Variants in XPO6 observed in about 807,000 individuals in gnomAD.
XPO6 encodes the protein exportin 6, also known as exportin-6.
A neutral mutation model predicts 130.0 loss-of-function variants in XPO6; 3 were observed. That is an observed-to-expected ratio of 0.02 (90% confidence interval 0.01 to 0.06). XPO6 has a LOEUF of 0.06. Among genes scored for constraint, XPO6 ranks in the 10% least tolerant of loss-of-function variants. The pLI is 1.00. For missense variants in XPO6, 970 were observed against 1,393.0 expected (o/e 0.70, Z 4.83); for synonymous variants, 524 against 548.9 (o/e 0.95, Z 0.63).
At chr16:28,115,323 C>T (rs1298181930) in intron 15 of XPO6, among the ~76,000 whole-genome samples, 4 of 152,244 alleles carry the variant, frequency 2.6e-5, no homozygotes, top group African/African-American at 9.6e-5. Flanking sequence ...AAAATTACCC[C>T]TTGACCCATG....
intron 8 of XPO6, among the ~76,000 whole-genome samples, chr16:28,150,025 C>T (rs1411945390): frequency 6.6e-6 from 1 of 152,170 alleles, no homozygotes; most frequent in East Asian, 1.9e-4. Flanking sequence ...AGGCCTTGGT[C>T]CTAGAGTGCA....
In XPO6 at chr16:28,116,449, G is replaced by A. The variant is rs577597979; in HGVS notation, c.2004+869C>T. Among the ~76,000 whole-genome samples the A allele has an allele frequency of 3.4e-5, 5 of 146,884 alleles. No individual in the cohort carries two copies. In the East Asian group the frequency reaches 6.1e-4, roughly 18 times the overall value. On this transcript the variant is annotated intron_variant, in intron 15 of 23. Transcript: ENST00000304658. ...TGCACTCCAGCCCGGGCGACAGAGCGAGACTCCATCTCAACAACAACAAAA... is the reference window on the plus strand; with the variant it reads ...TGCACTCCAGCCCGGGCGACAGAGCAAGACTCCATCTCAACAACAACAAAA...
chr16:28,153,530 T>G, intron 7 of XPO6: 2 of 985,386 alleles, frequency 2.0e-6, no homozygotes, highest in Non-Finnish European at 2.4e-6. Flanking sequence ...CCCAACTCAT[T>G]TGTATTCACA....
chr16:28,150,438 G>A (rs2043065793), intron 8 of XPO6, among the ~76,000 whole-genome samples: 1 of 152,130 alleles, frequency 6.6e-6, no homozygotes, highest in African/African-American at 2.4e-5. Flanking sequence ...TAAGCCAGGG[G>A]AAAGGCCTGA....
rs2087243931 is a variant in XPO6 at position 28,121,672 on chromosome 16, A to G, written c.1857T>C (p.Asp619=). 1 of 1,605,472 alleles carries G rather than the reference A, an allele frequency of 6.2e-7. No individual in the cohort carries two copies. The highest frequency in any genetic ancestry group is 8.5e-7 in the Non-Finnish European group (1 of 1,172,120). Residue 619 remains aspartate (D), a splice_region_variant and synonymous_variant, in exon 14 of 24, where the codon GAT becomes GAC. Coordinates refer to ENST00000304658, the MANE Select transcript of XPO6 (RefSeq NM_015171.4). ...VPSVLKPDLI[D]VHAQSLAALQ... ...CAAACATCAAACTCTAGACTTACAC[A>G]TCAATGAGGTCAGGTTTCAATACTG...
At chr16:28,207,910 C>G (rs1187153305) in intron 1 of XPO6, among the ~76,000 whole-genome samples, 2 of 152,102 alleles carry the variant, frequency 1.3e-5, no homozygotes, top group Non-Finnish European at 2.9e-5. Context: ...TTTGGGAGGC[C>G]AAGGCGAGTG....
intron 20 of XPO6, 89 bp from the exon 21 acceptor site, chr16:28,104,796 C>T (rs971455489): frequency 4.6e-5 from 67 of 1,460,630 alleles, no homozygotes; most frequent in South Asian, 8.7e-5. Flanking sequence ...GGAGACGCCT[C>T]GTGACAGCAA....
chr16:28,117,504 A>G (rs2087098400), intron 14 of XPO6, 42 bp from the exon 15 acceptor site: 3 of 1,600,394 alleles, frequency 1.9e-6, no homozygotes, highest in Admixed American at 1.7e-5. Context: ...GGTTAAGGTG[A>G]AAATATATTA....
Position 28,140,571 on chromosome 16 carries a change from G to A in XPO6, c.1335-5247C>T, listed in dbSNP as rs146774591. Among the ~76,000 whole-genome samples the A allele has an allele frequency of 9.9e-3, 1,495 of 151,758 alleles. 30 individuals carry two copies. The highest frequency in any genetic ancestry group is 0.034 in the African/African-American group (1,418 of 41,340). The stretch of plus-strand genomic sequence containing the variant: ...TTTGTGCCTGTAATCCCAGCTACTC[G>A]GGAGGCTGGGGCAGGAGAATTGCTT... On this transcript the variant is annotated intron_variant, in intron 9 of 23. Coordinates refer to ENST00000304658, the MANE Select transcript of XPO6 (RefSeq NM_015171.4).
chr16:28,119,203 G>A (rs2087161232), intron 14 of XPO6, among the ~76,000 whole-genome samples: 1 of 147,740 alleles, frequency 6.8e-6, no homozygotes, highest in African/African-American at 2.5e-5. Context: ...TTTTTTGGTA[G>A]GGACAGAGTC....
intron 1 of XPO6, among the ~76,000 whole-genome samples, chr16:28,201,121 A>AC (rs2043947243): frequency 6.6e-6 from 1 of 150,396 alleles, no homozygotes; most frequent in South Asian, 2.1e-4. Context: ...TAAGCACACC[A>AC]CCCCCCACAG....
At chr16:28,111,735 C>T in intron 17 of XPO6, 82 bp downstream of exon 17, 1 of 1,523,570 alleles carries the variant, frequency 6.6e-7, no homozygotes, top group Non-Finnish European at 8.9e-7. Context: ...CCTCAGGAGC[C>T]TCCGGGGCAA....
intron 6 of XPO6, among the ~76,000 whole-genome samples, chr16:28,160,504 CAA>C (rs56821334): frequency 2.7e-4 from 30 of 113,122 alleles, no homozygotes; most frequent in East Asian, 2.8e-4. Flanking sequence ...ACTCCATCAC[CAA>C]AAAAAAAAAA....
chr16:28,210,477 A>C (rs899015791), intron 1 of XPO6, among the ~76,000 whole-genome samples: 1 of 152,242 alleles, frequency 6.6e-6, no homozygotes, highest in Non-Finnish European at 1.5e-5. Flanking sequence ...ATAAGGGTTC[A>C]AACAATTTGG....
intron 1 of XPO6, among the ~76,000 whole-genome samples, chr16:28,201,731 C>T (rs2043957042): frequency 6.6e-6 from 1 of 152,132 alleles, no homozygotes; most frequent in South Asian, 2.1e-4. Flanking sequence ...CAGCATGCAC[C>T]TGTAGTCCCA....
intron 1 of XPO6, among the ~76,000 whole-genome samples, chr16:28,195,442 C>T (rs1400472246): frequency 2.6e-5 from 4 of 152,112 alleles, no homozygotes; most frequent in Non-Finnish European, 5.9e-5. Flanking sequence ...AAACACATTT[C>T]CCCACACCCA....
chr16:28,205,363 C>G (rs970767671), intron 1 of XPO6, among the ~76,000 whole-genome samples: 1 of 152,124 alleles, frequency 6.6e-6, no homozygotes, highest in South Asian at 2.1e-4. Flanking sequence ...TTGTAACTGT[C>G]TGCAAGAAAC....
At position 28,125,827 on chromosome 16, in the gene XPO6, G is replaced by A. The variant is rs758356208; in HGVS notation, c.1628C>T (p.Ala543Val). 24 of 1,613,810 alleles carry A rather than the reference G, an allele frequency of 1.5e-5. No homozygotes were observed. In the Middle Eastern group the frequency reaches 4.9e-4, roughly 33 times the overall value. The change falls in exon 13 of 24, where the codon GCG (alanine) becomes GTG (valine). Residue 543 changes from alanine to valine, a missense_variant. Around this residue, in one of 4 missense-constraint regions of XPO6, gnomAD observed 936 missense variants for 1,306.8 expected, o/e 0.72. Transcript: ENST00000304658. Reference sequence around the variant, plus strand: ...GTGCAGCCGCCGGCAGTCGTTCTCCGCCGTGATGTTCAACCTGTGTCCTGG... The same window carrying A: ...GTGCAGCCGCCGGCAGTCGTTCTCCACCGTGATGTTCAACCTGTGTCCTGG... ...SGSGHRLNIT[A>V]ENDCRRLHCS...
Position 28,111,823 on chromosome 16 carries a change from C to A in XPO6, c.2335G>T (p.Asp779Tyr). 1 of 1,614,054 alleles carries A rather than the reference C, an allele frequency of 6.2e-7. No homozygotes were observed. Among genetic ancestry groups the A allele is most frequent in the Middle Eastern group, 1.7e-4 (1 of 6,056 alleles). Residue 779 changes from aspartate (D) to tyrosine (Y), a missense_variant, in exon 17 of 24, where the codon GAT becomes TAT. This residue lies in a region of XPO6 where 936 missense variants were observed against 1,306.8 expected (regional missense o/e 0.72). Transcript: ENST00000304658. ...TAGCCTAGGGGTCACTTACTGTCAT[C>A]CAGTGGCATCTTTCTCTGTGGGGCA... The part of the protein sequence containing the change: ...AVAPQRKMPL[D>Y]DTKLIIHQTL...
Sources: allele counts gnomAD v4.1 joint callset (sites outside exome capture counted in the v4.1 genomes callset), GRCh38; gene constraint gnomAD v4.1.1; regional missense constraint gnomAD v4.1.1; transcripts MANE v1.5; gene names NCBI Gene and HGNC (gene_info 2026-07-23, HGNC 2026-07-21).